Variants in ARID1B observed in about 807,000 individuals in gnomAD.
ARID1B encodes the protein AT-rich interactive domain-containing protein 1B.
In ARID1B, 30 loss-of-function variants were observed where a neutral mutation model predicts 212.3. That is an observed-to-expected ratio of 0.14 (90% confidence interval 0.11 to 0.19). The LOEUF is 0.19. Ranked by LOEUF, ARID1B falls within the 10% of genes least tolerant of loss-of-function variation. The pLI is 1.00. For synonymous variants in ARID1B, 1,402 were observed against 1,301.7 expected (o/e 1.08, Z -1.66); for missense variants, 2,891 against 3,204.0 (o/e 0.90, Z 2.36).
At position 156,829,309 on chromosome 6, in the gene ARID1B, G is replaced by A. The variant is rs539811282; in HGVS notation, c.1874G>A (p.Ser625Asn). 6.2e-7 allele frequency: 1 copy of A among 1,614,206 alleles called. No homozygotes were observed. The highest frequency in any genetic ancestry group is 1.7e-5 in the Admixed American group (1 of 60,030). The change falls in exon 2 of 20, where the codon AGC becomes AAC. Residue 625 changes from serine (S) to asparagine (N), a missense_variant. Coordinates refer to ENST00000636930, the MANE Select transcript of ARID1B (RefSeq NM_001374828.1). The stretch of plus-strand genomic sequence containing the variant: ...AACCCTCATTCTCAGCCTCAGCAGA[G>A]CAGTCCGTACCCAGGAGGTTCCTAT... ...GSNPHSQPQQ[S>N]SPYPGGSYGP... is the part of the protein sequence containing the mutation.
intron 2 of ARID1B, among the ~76,000 whole-genome samples, chr6:156,860,560 T>A (rs1008933834): frequency 2.0e-5 from 3 of 152,180 alleles, no homozygotes; most frequent in Non-Finnish European, 4.4e-5. Context: ...TAAATTTTGA[T>A]CTTTCTGCGA....
intron 8 of ARID1B, among the ~76,000 whole-genome samples, chr6:157,153,839 T>C (rs1790370833): frequency 6.6e-6 from 1 of 152,166 alleles, no homozygotes; most frequent in South Asian, 2.1e-4. Flanking sequence ...AGAGTCTCAC[T>C]ATGTTGCCCA....
chr6:157,033,879 C>A (rs1163783592), intron 4 of ARID1B, among the ~76,000 whole-genome samples: 3 of 152,162 alleles, frequency 2.0e-5, no homozygotes, highest in Non-Finnish European at 4.4e-5. Flanking sequence ...ACTTTGTTAT[C>A]CTAAACCTGC....
chr6:156,928,344 T>C (rs1791407933), intron 3 of ARID1B, among the ~76,000 whole-genome samples: 1 of 152,166 alleles, frequency 6.6e-6, no homozygotes, highest in Admixed American at 6.5e-5. Context: ...ATTTGGGCTT[T>C]GGTGATGTGT....
At chr6:156,946,193 C>T (rs1166506474) in intron 4 of ARID1B, among the ~76,000 whole-genome samples, 3 of 133,076 alleles carry the variant, frequency 2.3e-5, no homozygotes, top group Non-Finnish European at 4.6e-5. Context: ...CCCGTCTCTA[C>T]TAAAAATACG....
chr6:156,946,138 C>T lies in ARID1B; in HGVS notation c.2247+10562C>T, dbSNP rs181628038. 5.6e-3 allele frequency among the ~76,000 whole-genome samples: 850 copies of T among 150,802 alleles called. 12 individuals carry two copies. Among genetic ancestry groups the T allele is most frequent in the African/African-American group, 0.02 (819 of 40,906 alleles). On this transcript the variant is annotated intron_variant, in intron 4 of 19. Transcript: ENST00000636930. Reference sequence around the variant, plus strand: ...TCAGGAGGCCAAGGCGGGCAGACCACTTGAGGTCAGGAGTTCAAGACCAGC... The same window carrying T: ...TCAGGAGGCCAAGGCGGGCAGACCATTTGAGGTCAGGAGTTCAAGACCAGC...
Position 156,972,809 on chromosome 6 carries a change from C to T in ARID1B, c.2247+37233C>T, listed in dbSNP as rs550041923. ...AGCCATGTGCTAACAAACCAACCAC[C>T]AAAAAGGTGGTCACTTTTTAGAATT... On this transcript the variant is annotated intron_variant, in intron 4 of 19. Coordinates refer to ENST00000636930, the MANE Select transcript of ARID1B (RefSeq NM_001374828.1). Among the ~76,000 whole-genome samples, 3 of 152,272 alleles carry T rather than the reference C, an allele frequency of 2.0e-5. No homozygotes were observed. The South Asian group carries it at 6.2e-4, about 32-fold the overall frequency.
intron 4 of ARID1B, among the ~76,000 whole-genome samples, chr6:157,034,817 G>A (rs551032828): frequency 6.6e-6 from 1 of 152,310 alleles, no homozygotes; most frequent in Non-Finnish European, 1.5e-5. Context: ...AGAAATAGAG[G>A]ATGTAAAGGA....
chr6:156,888,830 T>C (rs1407693273), intron 2 of ARID1B, among the ~76,000 whole-genome samples: 1 of 152,226 alleles, frequency 6.6e-6, no homozygotes, highest in East Asian at 1.9e-4. Flanking sequence ...GAATAGAGTT[T>C]TACGAAGTCA....
intron 6 of ARID1B, among the ~76,000 whole-genome samples, chr6:157,131,157 G>A (rs140198517): frequency 6.6e-4 from 100 of 152,220 alleles, no homozygotes; most frequent in Non-Finnish European, 1.0e-3. Context: ...TCTGTTGGCC[G>A]CATGAAGAAT....
chr6:157,206,551 G>A lies in ARID1B; in HGVS notation c.5779G>A (p.Asp1927Asn), dbSNP rs2128393152. The change falls in exon 20 of 20, where the codon GAC becomes AAC. Residue 1927 changes from aspartate to asparagine, a missense_variant. This residue lies in a region of ARID1B where 332 missense variants were observed against 369.2 expected (regional missense o/e 0.90). Transcript: ENST00000636930. The surrounding 1 kb of genome is among the most constrained non-coding windows in gnomAD (Gnocchi z 6.8). ...KNNLFVVDRS[D>N]KLGRVQEFNS... is the part of the protein sequence containing the mutation. ...CAACCTGTTTGTTGTTGACCGATCT[G>A]ACAAGTTGGGGCGTGTGCAGGAGTT... The A allele has an allele frequency of 6.2e-7, 1 of 1,614,170 alleles. No individual in the cohort carries two copies. The highest frequency in any genetic ancestry group is 8.5e-7 in the Non-Finnish European group (1 of 1,180,042).
chr6:157,065,627 T>C (rs1783629686), intron 4 of ARID1B, among the ~76,000 whole-genome samples: 1 of 152,218 alleles, frequency 6.6e-6, no homozygotes, highest in Admixed American at 6.5e-5. Context: ...GTCAAACCAT[T>C]ACCTACCCAT....
intron 4 of ARID1B, among the ~76,000 whole-genome samples, chr6:157,069,886 C>T (rs1783903451): frequency 6.6e-6 from 1 of 152,174 alleles, no homozygotes; most frequent in African/African-American, 2.4e-5. Flanking sequence ...GGCATTCCAG[C>T]GTCCTAGCCT....
chr6:157,089,764 C>T (rs1056083225), intron 5 of ARID1B, among the ~76,000 whole-genome samples: 1 of 152,106 alleles, frequency 6.6e-6, no homozygotes, highest in Non-Finnish European at 1.5e-5. Context: ...TTGTAATTGG[C>T]AGTGTGTATT....
chr6:157,063,824 T>C (rs2128413011), intron 4 of ARID1B, among the ~76,000 whole-genome samples: 1 of 152,290 alleles, frequency 6.6e-6, no homozygotes, highest in Admixed American at 6.5e-5. Context: ...TTAGCAAATG[T>C]CTTTAAGACC....
At chr6:156,869,890 T>G (rs1785987186) in intron 2 of ARID1B, among the ~76,000 whole-genome samples, 1 of 152,140 alleles carries the variant, frequency 6.6e-6, no homozygotes, top group South Asian at 2.1e-4. Context: ...TTAAAAATAT[T>G]TAAAATATCA....
chr6:157,045,396 T>C (rs1473136691), intron 4 of ARID1B, among the ~76,000 whole-genome samples: 1 of 152,212 alleles, frequency 6.6e-6, no homozygotes, highest in Non-Finnish European at 1.5e-5. Flanking sequence ...TTAAAAACAT[T>C]TACCATATAT....
chr6:156,792,699 A>C (rs911370551), intron 1 of ARID1B, among the ~76,000 whole-genome samples: 1 of 152,084 alleles, frequency 6.6e-6, no homozygotes, highest in Non-Finnish European at 1.5e-5. Context: ...GGCAGTCTGA[A>C]ATTTATGAGT....
chr6:156,948,803 A>G (rs1166295146), intron 4 of ARID1B, among the ~76,000 whole-genome samples: 1 of 152,270 alleles, frequency 6.6e-6, no homozygotes, highest in African/African-American at 2.4e-5. Context: ...AGAAATCCTC[A>G]ACAGAAAATA....
Sources: allele counts gnomAD v4.1 joint callset (sites outside exome capture counted in the v4.1 genomes callset), GRCh38; gene constraint gnomAD v4.1.1; regional missense constraint gnomAD v4.1.1; non-coding constraint Gnocchi (gnomAD v3.1); transcripts MANE v1.5; gene names NCBI Gene and HGNC (gene_info 2026-07-23, HGNC 2026-07-21).